The following AKR1E2 variants were observed in gnomAD, a reference collection of about 807,000 sequenced individuals.
The protein encoded by AKR1E2 is aldo-keto reductase family 1 member E2.
In AKR1E2, 43 loss-of-function variants were observed where a neutral mutation model predicts 41.9. The observed-to-expected ratio is 1.03, with a 90% confidence interval of 0.80 to 1.32. The LOEUF (loss-of-function observed/expected upper bound fraction) is 1.32, where lower values mean the gene tolerates loss of function less well. Ranked by LOEUF, AKR1E2 falls within the 40% of genes most tolerant of loss-of-function variation. The pLI is 0.00. For synonymous variants in AKR1E2, 121 were observed against 138.9 expected, an observed-to-expected ratio of 0.87 and a Z score of 0.91; for missense variants, 423 against 396.5, an observed-to-expected ratio of 1.07 and a Z score of -0.57.
chr10:4,835,837 C>T lies in AKR1E2; in HGVS notation c.459+28C>T, dbSNP rs373119636. Reference sequence around the variant, plus strand: ...GAGCTGAGCCACACCACCAGGCAGCCTCATCCTGTGTGGGTCTCCACCCAG... The same window carrying T: ...GAGCTGAGCCACACCACCAGGCAGCTTCATCCTGTGTGGGTCTCCACCCAG... On this transcript the variant is annotated intron_variant, in intron 4 of 9. Transcript: ENST00000298375. The T allele has an allele frequency of 9.3e-6, 15 of 1,611,766 alleles. No individual in the cohort carries two copies. The African/African-American group carries it at 1.7e-4, about 19-fold the overall frequency.
chr10:4,827,195 A>G (rs1431496130), intron 1 of AKR1E2, among the ~76,000 whole-genome samples: 3 of 152,154 alleles, frequency 2.0e-5, no homozygotes, highest in Non-Finnish European at 4.4e-5. Context: ...CCTGAGACAT[A>G]TAATCGCTCT....
At chr10:4,854,187 G>A in the AKR1E2 span, among the ~76,000 whole-genome samples, 2 of 149,206 alleles carry the variant, frequency 1.3e-5, no homozygotes, top group Non-Finnish European at 3.0e-5. Flanking sequence ...TCCACCTCCC[G>A]GGTTCAAGTG....
At chr10:4,862,841 C>G in the AKR1E2 span, among the ~76,000 whole-genome samples, 3 of 151,974 alleles carry the variant, frequency 2.0e-5, no homozygotes, top group African/African-American at 4.8e-5. Flanking sequence ...GGACTTTAAA[C>G]CAACAAAGAT....
At chr10:4,870,386 A>C in the AKR1E2 span, among the ~76,000 whole-genome samples, 28,843 of 151,412 alleles carry the variant, frequency 0.19, 2,988 homozygotes, top group Middle Eastern at 0.25. Context: ...CATATTTGTT[A>C]TTTTTTTCTT....
intron 1 of AKR1E2, among the ~76,000 whole-genome samples, chr10:4,829,693 C>G (rs748702488): frequency 6.6e-6 from 1 of 151,790 alleles, no homozygotes. Flanking sequence ...CTCATTTTTC[C>G]AAGTTATTGA....
rs1005907 is a variant in AKR1E2, at chr10:4,830,914, T to C, written c.207+72T>C. On this transcript the variant is annotated intron_variant, in intron 2 of 9. Transcript: ENST00000298375. ...TCTCTGGAGGGCTTTCTACTTTCTT[T>C]ATGGGAGTTGATGACTTTGTTTCAT... 385,367 of 1,565,512 alleles carry C rather than the reference T, an allele frequency of 0.25. 51,417 individuals carry two copies. Among genetic ancestry groups the C allele is most frequent in the Non-Finnish European group, 0.28 (315,948 of 1,146,400 alleles).
Sources: gnomAD v4.1 joint callset for allele counts (sites outside exome capture counted in the v4.1 genomes callset) on GRCh38, gnomAD v4.1.1 for gene constraint, MANE v1.5 for transcripts, NCBI Gene and HGNC (gene_info 2026-07-23, HGNC 2026-07-21) for gene names.